Variants in XPC observed in about 807,000 individuals in gnomAD.
XPC encodes DNA repair protein complementing XP-C cells.
In XPC, 76 loss-of-function variants were observed where a neutral mutation model predicts 95.8. The ratio of observed to expected loss-of-function variants is 0.79; its 90% CI spans 0.66 to 0.96. The LOEUF (loss-of-function observed/expected upper bound fraction) is 0.96, where lower values mean the gene tolerates loss of function less well. Ranked by LOEUF, XPC falls within the 40% of genes least tolerant of loss-of-function variation. The probability of loss-of-function intolerance (pLI) is 0.00; values close to 1 mark genes in which losing one functional copy is unlikely to be tolerated. For missense variants in XPC, 1,146 were observed against 1,179.8 expected, an observed-to-expected ratio of 0.97 and a Z score of 0.42; for synonymous variants, 442 against 442.1, an observed-to-expected ratio of 1.00 and a Z score of 0.00.
chr3:14,159,909 G>C, intron 7 of XPC, 79 bp from the exon 8 acceptor site: 1 of 1,380,968 alleles, frequency 7.2e-7, no homozygotes, highest in Non-Finnish European at 1.0e-6. Context: ...TTGTTATGGT[G>C]CTTGTTCAAG....
rs747088776 is a variant in XPC, at chr3:14,156,480, T to C, written c.1888A>G (p.Met630Val). Residue 630 changes from methionine to valine, a missense_variant, in exon 10 of 16, where the codon ATG (methionine) becomes GTG (valine). By Grantham distance (21) the Met-to-Val change is conservative (BLOSUM62 1). Transcript: ENST00000285021. ...ATGGCAGTGGGCAAAGGCTGGTCCATGTGTTTAGCCTGAAACTGCAAAGGC... is the reference window on the plus strand; with the variant it reads ...ATGGCAGTGGGCAAAGGCTGGTCCACGTGTTTAGCCTGAAACTGCAAAGGC... ...KEDLEFQAKH[M>V]DQPLPTAIGL... The C allele has an allele frequency of 1.3e-5, 21 of 1,613,870 alleles. No homozygotes were observed. The highest frequency in any genetic ancestry group is 2.7e-5 in the African/African-American group (2 of 74,922).
At chr3:14,148,098 C>T (rs1695521534) in intron 13 of XPC, 97 bp from the exon 14 acceptor site, 9 of 1,033,830 alleles carry the variant, frequency 8.7e-6, no homozygotes, top group Non-Finnish European at 1.3e-5. Context: ...CACATCTGAG[C>T]ACTAGGGGTC....
Position 14,164,802 on chromosome 3 carries a change from G to A in XPC, c.900+11C>T, listed in dbSNP as rs1458919099. On this transcript the variant is annotated intron_variant, in intron 7 of 15. Transcript: ENST00000285021. ...ACTGATAAAAAACAGTGATCCGGGAGGATCACTTACATGGACCAATTCCTC... is the reference window on the plus strand; with the variant it reads ...ACTGATAAAAAACAGTGATCCGGGAAGATCACTTACATGGACCAATTCCTC... 3 of 1,611,968 alleles carry A rather than the reference G, an allele frequency of 1.9e-6. No homozygotes were observed. The highest frequency in any genetic ancestry group is 2.2e-5 in the South Asian group (2 of 90,656).
At chr3:14,178,403 C>A in intron 1 of XPC, 63 bp downstream of exon 1, 1 of 1,526,004 alleles carries the variant, frequency 6.6e-7, no homozygotes, top group South Asian at 1.3e-5. Flanking sequence ...TCCCGCCCTG[C>A]CTCTGGGCCT....
intron 3 of XPC, 93 bp downstream of exon 3, chr3:14,170,345 A>C (rs528517205): frequency 8.2e-7 from 1 of 1,222,850 alleles, no homozygotes; most frequent in African/African-American, 1.5e-5. Flanking sequence ...AAAGAAAACA[A>C]AAGGATTGCA....
At position 14,165,488 on chromosome 3, in the gene XPC, C is replaced by T. The variant is rs1436400322; in HGVS notation, c.719G>A (p.Arg240His). The T allele has an allele frequency of 3.7e-6, 6 of 1,606,456 alleles. No homozygotes were observed. The highest frequency in any genetic ancestry group is 4.5e-5 in the East Asian group (2 of 44,676). The change falls in exon 6 of 16, where the codon CGC becomes CAC. Residue 240 changes from arginine (R) to histidine (H), a missense_variant. Coordinates refer to ENST00000285021, the MANE Select transcript of XPC (RefSeq NM_004628.5). Reference protein sequence around the residue: ...HAIGLSIIPARFTRVLPRDVD... With the variant: ...HAIGLSIIPAHFTRVLPRDVD... The stretch of plus-strand genomic sequence containing the variant: ...ATCTCGAGGCAGCACTCTGGTAAAG[C>T]GGGCTGGGATGATGGACAGGCCAAT...
intron 13 of XPC, chr3:14,148,297 T>C: frequency 3.4e-6 from 2 of 591,440 alleles, no homozygotes; most frequent in East Asian, 3.0e-5. Context: ...ATGCTGACTG[T>C]TTTTTGCTCA....
intron 10 of XPC, chr3:14,153,448 TC>T (rs1695779152): frequency 6.6e-6 from 1 of 152,274 alleles, no homozygotes; most frequent in Non-Finnish European, 1.5e-5. Context: ...CATGAGATAT[TC>T]AATACTTCAT....
intron 8 of XPC, 107 bp downstream of exon 8, chr3:14,159,634 C>T: frequency 8.6e-7 from 1 of 1,168,040 alleles, no homozygotes; most frequent in Middle Eastern, 2.0e-4. Context: ...AAAGAACCCA[C>T]ACTCCGTGAA....
At position 14,147,995 on chromosome 3, in the gene XPC, A is replaced by G; in HGVS notation, c.2427T>C (p.Asp809=). ...FHGGYSHPVT[D]GYIVCEEFKD... is the part of the protein sequence containing the mutation. ...TGAATTCCTCGCAGACGATGTATCC[A>G]TCAGTCCTGTGGGGACACAACGCGA... is the stretch of plus-strand genomic sequence containing the variant. The change falls in exon 14 of 16, where the codon GAT becomes GAC. Residue 809 remains aspartate (D), a synonymous_variant. Coordinates refer to ENST00000285021, the MANE Select transcript of XPC (RefSeq NM_004628.5). 1 of 1,584,234 alleles carries G rather than the reference A, an allele frequency of 6.3e-7. No homozygotes were observed. Among genetic ancestry groups the G allele is most frequent in the Non-Finnish European group, 8.6e-7 (1 of 1,163,788 alleles).
intron 3 of XPC, 149 bp from the exon 4 acceptor site, chr3:14,168,529 CCTGAGT>C (rs1374317398): frequency 3.2e-6 from 3 of 943,970 alleles, no homozygotes; most frequent in Non-Finnish European, 4.7e-6. Context: ...CATGCCTTGC[CCTGAGT>C]CCTACCATGT....
chr3:14,167,334 C>T (rs1201373407), intron 4 of XPC, 81 bp from the exon 5 acceptor site: 16 of 1,227,526 alleles, frequency 1.3e-5, no homozygotes, highest in East Asian at 2.6e-5. Flanking sequence ...TCCTTCTCCT[C>T]GGATGACAGT....
At chr3:14,159,920 A>C (rs1024811635) in intron 7 of XPC, 90 bp from the exon 8 acceptor site, 3 of 1,328,980 alleles carry the variant, frequency 2.3e-6, no homozygotes, top group Non-Finnish European at 3.1e-6. Flanking sequence ...CTTGTTCAAG[A>C]CAGGGAAAAG....
intron 3 of XPC, 137 bp from the exon 4 acceptor site, chr3:14,168,517 G>T: frequency 9.5e-7 from 1 of 1,056,236 alleles, no homozygotes; most frequent in Non-Finnish European, 1.4e-6. Flanking sequence ...GAGACCCCTA[G>T]ACATGCCTTG....
chr3:14,167,135 G>T, intron 5 of XPC, 34 bp downstream of exon 5: 1 of 1,534,120 alleles, frequency 6.5e-7, no homozygotes, highest in South Asian at 1.2e-5. Context: ...GCACCGACAA[G>T]GAAAAGTCCT....
intron 1 of XPC, among the ~76,000 whole-genome samples, chr3:14,175,971 G>A (rs143247532): frequency 6.6e-6 from 1 of 152,242 alleles, no homozygotes; most frequent in East Asian, 1.9e-4. Context: ...CTTTACCTCC[G>A]TTTAGGCTGA....
intron 10 of XPC, among the ~76,000 whole-genome samples, chr3:14,155,175 G>C (rs1695851842): frequency 6.6e-6 from 1 of 152,194 alleles, no homozygotes; most frequent in African/African-American, 2.4e-5. Context: ...CCTGAAGAGA[G>C]GGTCCAGCAT....
intron 1 of XPC, among the ~76,000 whole-genome samples, chr3:14,177,964 A>C (rs1476977381): frequency 6.6e-6 from 1 of 152,220 alleles, no homozygotes; most frequent in Non-Finnish European, 1.5e-5. Flanking sequence ...AAACGGAGGA[A>C]AGCATAGATT....
At chr3:14,174,006 T>C (rs2125047330) in intron 1 of XPC, among the ~76,000 whole-genome samples, 1 of 152,286 alleles carries the variant, frequency 6.6e-6, no homozygotes, top group Middle Eastern at 3.4e-3. Flanking sequence ...GCTGACTCTC[T>C]GGATGGGTAT....
Sources: gnomAD v4.1 joint callset for allele counts (sites outside exome capture counted in the v4.1 genomes callset) on GRCh38, gnomAD v4.1.1 for gene constraint, MANE v1.5 for transcripts, NCBI Gene and HGNC (gene_info 2026-07-23, HGNC 2026-07-21) for gene names.